CSNK1G1: variants seen among roughly 807,000 people sequenced by gnomAD.
CSNK1G1 encodes casein kinase I isoform gamma-1.
Under a neutral mutation model 59.6 loss-of-function variants are expected in CSNK1G1, and 22 were observed. The observed-to-expected ratio is 0.37, with a 90% confidence interval of 0.26 to 0.53. The LOEUF is 0.53. Ranked by LOEUF, CSNK1G1 falls within the 20% of genes least tolerant of loss-of-function variation. The pLI is 0.89. For synonymous variants in CSNK1G1, 179 were observed against 177.1 expected, an observed-to-expected ratio of 1.01 and a Z score of -0.08; for missense variants, 384 against 519.5, an observed-to-expected ratio of 0.74 and a Z score of 2.54.
chr15:64,347,778 C>T (rs550707080), intron 1 of CSNK1G1, among the ~76,000 whole-genome samples: 5 of 151,910 alleles, frequency 3.3e-5, no homozygotes, highest in East Asian at 3.9e-4. Flanking sequence ...GAGGCTGAGG[C>T]GAGCAGATCA....
intron 1 of CSNK1G1, among the ~76,000 whole-genome samples, chr15:64,340,016 T>C (rs1421984183): frequency 1.3e-5 from 2 of 152,262 alleles, no homozygotes; most frequent in African/African-American, 4.8e-5. Flanking sequence ...CATTATTTCT[T>C]TTGTAACCTC....
rs751349315 is a variant in CSNK1G1 at position 64,207,494 on chromosome 15, CA to C, written c.765+14del. The C allele has an allele frequency of 4.4e-6, 7 of 1,584,066 alleles. No homozygotes were observed. In the South Asian group the frequency reaches 7.7e-5, roughly 18 times the overall value. ...CATTGAAACAAAGCCCTCCACTGAA[CA>C]CTTTCAAGGATACCTTGAGTCCTTG... On this transcript the variant is annotated intron_variant, in intron 7 of 11. Transcript: ENST00000303052.
Position 64,166,252 on chromosome 15 carries a change from AATAAT to A in CSNK1G1, c.*5674_*5678del, listed in dbSNP as rs2081602031. 2.6e-6 allele frequency: 1 copy of A among 391,518 alleles called. No individual in the cohort carries two copies. The highest frequency in any genetic ancestry group is 4.5e-6 in the Non-Finnish European group (1 of 221,934). The allele number at this position is 391,518 out of a possible 1,614,324, so 24.3% of individuals were successfully genotyped here. A position where few individuals can be genotyped will look rare whatever the true frequency, so the allele number is the denominator to read the frequency against. On this transcript the variant is annotated 3_prime_UTR_variant, in exon 12 of 12. Transcript: ENST00000303052. The surrounding 1 kb of genome is among the most constrained non-coding windows in gnomAD (Gnocchi z 4.5). ...GGGCAAAGATCAAAGACAGATAAAT[AATAAT>A]ATAATAAATTAGAGCATGTAATACA...
intron 3 of CSNK1G1, among the ~76,000 whole-genome samples, chr15:64,256,249 T>C (rs1263277614): frequency 6.6e-6 from 1 of 152,248 alleles, no homozygotes; most frequent in Non-Finnish European, 1.5e-5. Flanking sequence ...TTTTGGATTC[T>C]GACAAACCAC....
chr15:64,232,684 T>C (rs1391054657), intron 4 of CSNK1G1, among the ~76,000 whole-genome samples: 6 of 152,142 alleles, frequency 3.9e-5, no homozygotes, highest in Non-Finnish European at 5.9e-5. Context: ...TGAGCTTACT[T>C]CTAGTCCTTA....
Position 64,300,399 on chromosome 15 carries a change from G to A in CSNK1G1, c.101C>T (p.Ser34Phe), listed in dbSNP as rs1025988682. Residue 34 changes from serine (S) to phenylalanine (F), a missense_variant, in exon 2 of 12, where the codon TCC becomes TTC. By Grantham distance (155) the Ser-to-Phe change is radical (BLOSUM62 -2). Transcript: ENST00000303052. The stretch of plus-strand genomic sequence containing the variant: ...GGGTCCCACCATAAGAACCCCAGAG[G>A]ACGATGAGGAGCCAGATGGTCGAGA... ...HCSRPSGSSS[S>F]SGVLMVGPNF... 1.2e-6 allele frequency: 2 copies of A among 1,614,144 alleles called. No individual in the cohort carries two copies. Among genetic ancestry groups the A allele is most frequent in the Non-Finnish European group, 1.7e-6 (2 of 1,180,030 alleles).
chr15:64,234,409 C>A (rs751265202), intron 4 of CSNK1G1, among the ~76,000 whole-genome samples: 19 of 152,140 alleles, frequency 1.2e-4, no homozygotes, highest in Non-Finnish European at 1.5e-5. Flanking sequence ...TTGCTTTAAA[C>A]CTCAACTCAT....
chr15:64,279,418 T>C (rs563737060), intron 2 of CSNK1G1, among the ~76,000 whole-genome samples: 12 of 152,356 alleles, frequency 7.9e-5, no homozygotes, highest in African/African-American at 2.4e-4. Context: ...TTTCCTTGAT[T>C]ACGTCCGTGA....
At chr15:64,288,521 T>C (rs1345386389) in intron 2 of CSNK1G1, among the ~76,000 whole-genome samples, 3 of 152,014 alleles carry the variant, frequency 2.0e-5, no homozygotes, top group African/African-American at 4.8e-5. Flanking sequence ...AGATAAATTA[T>C]AAAAAATATT....
intron 4 of CSNK1G1, among the ~76,000 whole-genome samples, chr15:64,220,645 G>A (rs1298746767): frequency 6.6e-6 from 1 of 151,904 alleles, no homozygotes; most frequent in Non-Finnish European, 1.5e-5. Flanking sequence ...TACAGACTCA[G>A]CTAATTTTGT....
At chr15:64,274,829 G>C (rs140816068) in intron 2 of CSNK1G1, among the ~76,000 whole-genome samples, 1 of 151,528 alleles carries the variant, frequency 6.6e-6, no homozygotes, top group East Asian at 1.9e-4. Flanking sequence ...CATACAGTCT[G>C]TTTAGTTAGA....
chr15:64,250,675 G>C (rs72756957), intron 4 of CSNK1G1, among the ~76,000 whole-genome samples: 1 of 152,078 alleles, frequency 6.6e-6, no homozygotes, highest in Non-Finnish European at 1.5e-5. Flanking sequence ...AGCCTAGAAG[G>C]CCCAGGCTGC....
At chr15:64,309,216 C>T (rs777893376) in intron 1 of CSNK1G1, among the ~76,000 whole-genome samples, 1 of 151,966 alleles carries the variant, frequency 6.6e-6, no homozygotes, top group Admixed American at 6.6e-5. Flanking sequence ...TGTCTACTCA[C>T]GTATTAGCTC....
chr15:64,355,573 G>A (rs1898609177), intron 1 of CSNK1G1, among the ~76,000 whole-genome samples: 1 of 152,208 alleles, frequency 6.6e-6, no homozygotes, highest in Non-Finnish European at 1.5e-5. Flanking sequence ...TCGAAGTCCA[G>A]CTCTGTCCCA....
chr15:64,289,179 CAA>C (rs111427455), intron 2 of CSNK1G1, among the ~76,000 whole-genome samples: 49 of 108,932 alleles, frequency 4.5e-4, no homozygotes, highest in Admixed American at 5.1e-4. Context: ...GACTCTGTAT[CAA>C]AAAAAAAAAA....
intron 2 of CSNK1G1, among the ~76,000 whole-genome samples, chr15:64,291,628 T>C (rs1894748660): frequency 6.6e-6 from 1 of 152,202 alleles, no homozygotes; most frequent in Admixed American, 6.5e-5. Context: ...ATCTTAAGCC[T>C]GCATTCTCTC....
At chr15:64,181,512 G>A in intron 10 of CSNK1G1, 1 of 1,287,408 alleles carries the variant, frequency 7.8e-7, no homozygotes, top group Non-Finnish European at 1.0e-6. Context: ...ATCTATTTGA[G>A]ATTGTTTCTT....
chr15:64,312,161 G>A (rs902873969), intron 1 of CSNK1G1, among the ~76,000 whole-genome samples: 3 of 152,128 alleles, frequency 2.0e-5, no homozygotes, highest in Non-Finnish European at 2.9e-5. Flanking sequence ...TCAATATCAC[G>A]AAAATAGCCA....
chr15:64,244,836 C>A (rs1409634743), intron 4 of CSNK1G1, among the ~76,000 whole-genome samples: 2 of 151,810 alleles, frequency 1.3e-5, no homozygotes, highest in Non-Finnish European at 2.9e-5. Flanking sequence ...GAAAAAAAAA[C>A]AACACAGCTG....
Sources: allele counts gnomAD v4.1 joint callset (sites outside exome capture counted in the v4.1 genomes callset), GRCh38; gene constraint gnomAD v4.1.1; non-coding constraint Gnocchi (gnomAD v3.1); transcripts MANE v1.5; gene names NCBI Gene and HGNC (gene_info 2026-07-23, HGNC 2026-07-21).